Variants in CDC5L observed in about 807,000 individuals in gnomAD.
The protein encoded by CDC5L is cell division cycle 5-like protein.
CDC5L carries 18 observed loss-of-function variants against 104.1 expected under a neutral mutation model. The ratio of observed to expected loss-of-function variants is 0.17; its 90% CI spans 0.12 to 0.26. The LOEUF is 0.26. Ranked by LOEUF, CDC5L falls within the 10% of genes least tolerant of loss-of-function variation. The probability of loss-of-function intolerance (pLI) is 1.00; values close to 1 mark genes in which losing one functional copy is unlikely to be tolerated. For missense variants in CDC5L, 673 were observed against 956.9 expected (o/e 0.70, Z 3.91); for synonymous variants, 331 against 322.7 (o/e 1.03, Z -0.28).
chr6:44,422,452 T>C (rs754591412), intron 9 of CDC5L, among the ~76,000 whole-genome samples, 195 bp from the exon 10 acceptor site: 11 of 152,064 alleles, frequency 7.2e-5, no homozygotes, highest in Non-Finnish European at 1.5e-5. Context: ...GTCAGTAAAA[T>C]AAAAATACCA....
chr6:44,439,020 A>G (rs1381293387), intron 14 of CDC5L, among the ~76,000 whole-genome samples: 1 of 151,978 alleles, frequency 6.6e-6, no homozygotes, highest in Admixed American at 6.5e-5. Flanking sequence ...ATTCCCCCCA[A>G]CCTGCTCACC....
In CDC5L at chr6:44,401,332, G is replaced by A. The variant is rs573415631; in HGVS notation, c.540-2477G>A. 3.3e-5 allele frequency among the ~76,000 whole-genome samples: 5 copies of A among 152,116 alleles called. No individual in the cohort carries two copies. In the South Asian group the frequency reaches 8.3e-4, roughly 25 times the overall value. On this transcript the variant is annotated intron_variant, in intron 5 of 15. Coordinates refer to ENST00000371477, the MANE Select transcript of CDC5L (RefSeq NM_001253.4). ...CCCGTCCGTCCGCCCGCAGCGTGGAGCCCTCATCTCATAAGCCAGGGCAAA... is the reference window on the plus strand; with the variant it reads ...CCCGTCCGTCCGCCCGCAGCGTGGAACCCTCATCTCATAAGCCAGGGCAAA...
At chr6:44,422,841 ATTTTTTT>A in intron 10 of CDC5L, 32 bp downstream of exon 10, 1 of 1,497,646 alleles carries the variant, frequency 6.7e-7, no homozygotes, top group South Asian at 1.2e-5. Flanking sequence ...ATACTCTTAA[ATTTTTTT>A]TTAATATCTC....
chr6:44,396,524 G>GT (rs75189350), intron 5 of CDC5L, 84 bp downstream of exon 5: 90,218 of 572,630 alleles, frequency 0.16, 5 homozygotes, highest in South Asian at 0.22. Flanking sequence ...CAGATATGTG[G>GT]TTTTTTTTTT....
intron 7 of CDC5L, among the ~76,000 whole-genome samples, chr6:44,407,779 C>T (rs1006251477): frequency 2.6e-5 from 4 of 152,172 alleles, no homozygotes; most frequent in Non-Finnish European, 4.4e-5. Context: ...TGGGCATAAA[C>T]GAGTTTTGTC....
At chr6:44,439,037 A>T (rs1793063268) in intron 14 of CDC5L, among the ~76,000 whole-genome samples, 1 of 152,164 alleles carries the variant, frequency 6.6e-6, no homozygotes, top group African/African-American at 2.4e-5. Flanking sequence ...CACCCCTAGG[A>T]AACCATTAAT....
intron 2 of CDC5L, among the ~76,000 whole-genome samples, chr6:44,391,630 C>G (rs774658002): frequency 2.4e-4 from 36 of 152,134 alleles, no homozygotes; most frequent in Non-Finnish European, 4.4e-4. Flanking sequence ...GCACCATCCC[C>G]AAGTCATGTG....
intron 2 of CDC5L, among the ~76,000 whole-genome samples, chr6:44,392,072 C>A (rs1351491719): frequency 2.0e-5 from 3 of 152,144 alleles, no homozygotes; most frequent in Non-Finnish European, 4.4e-5. Flanking sequence ...GTACCAGTTC[C>A]TGCTGTCATA....
chr6:44,388,002 G>C (rs1465319619), intron 1 of CDC5L, 134 bp downstream of exon 1: 1 of 757,748 alleles, frequency 1.3e-6, no homozygotes, highest in Non-Finnish European at 2.1e-6. Context: ...GCTGACCCTT[G>C]GGGCCCTTTC....
intron 4 of CDC5L, 138 bp downstream of exon 4, chr6:44,393,711 C>T: frequency 2.3e-6 from 2 of 854,542 alleles, no homozygotes; most frequent in African/African-American, 1.8e-5. Flanking sequence ...GTTACCCAGG[C>T]TGGAATGAAG....
intron 5 of CDC5L, among the ~76,000 whole-genome samples, chr6:44,398,070 G>A (rs1790951536): frequency 1.3e-5 from 2 of 152,154 alleles, no homozygotes; most frequent in South Asian, 2.1e-4. Flanking sequence ...TGGCTTTGAA[G>A]TGCCAGATCC....
chr6:44,423,148 A>T (rs1581655191), intron 10 of CDC5L, among the ~76,000 whole-genome samples: 1 of 152,158 alleles, frequency 6.6e-6, no homozygotes, highest in Non-Finnish European at 1.5e-5. Flanking sequence ...GGGCCTTATT[A>T]TCTAATGCCA....
At position 44,393,436 on chromosome 6, in the gene CDC5L, T is replaced by A. The variant is rs769508595; in HGVS notation, c.312-10T>A. ...TGTAGTGTGACTAACTCCTATGGGC[T>A]TTTTTCTAGGGATAAAGCTGCCCAA... is the stretch of plus-strand genomic sequence containing the variant. On this transcript the variant is annotated splice_polypyrimidine_tract_variant and intron_variant, in intron 3 of 15. Transcript: ENST00000371477. The A allele has an allele frequency of 7.4e-6, 12 of 1,612,378 alleles. No homozygotes were observed. Among genetic ancestry groups the A allele is most frequent in the Non-Finnish European group, 1.0e-5 (12 of 1,179,018 alleles).
In CDC5L at chr6:44,396,133, G is replaced by C. The variant is rs372289570; in HGVS notation, c.440-208G>C. ...TAGGGAGGGTAAGTAAGTGACTAAG[G>C]TCACATAGCTAGCAAGTGGTGGGCC... On this transcript the variant is annotated intron_variant, in intron 4 of 15. Transcript: ENST00000371477. Among the ~76,000 whole-genome samples the C allele has an allele frequency of 4.8e-4, 73 of 152,290 alleles. No homozygotes were observed. The South Asian group carries it at 0.015, about 31-fold the overall frequency.
chr6:44,404,045 T>A lies in CDC5L; in HGVS notation c.758+18T>A, dbSNP rs1178662153. The A allele has an allele frequency of 3.8e-6, 6 of 1,587,694 alleles. No homozygotes were observed. The South Asian group carries it at 6.9e-5, about 18-fold the overall frequency. On this transcript the variant is annotated intron_variant, in intron 6 of 15. Coordinates refer to ENST00000371477, the MANE Select transcript of CDC5L (RefSeq NM_001253.4). The stretch of plus-strand genomic sequence containing the variant: ...CTAAGATCGTAAGTTGCCTTTCTGA[T>A]TTTGGAAATGGAAAGGAATAGTAGG...
At chr6:44,422,047 A>G (rs998893969) in intron 9 of CDC5L, among the ~76,000 whole-genome samples, 3 of 152,232 alleles carry the variant, frequency 2.0e-5, no homozygotes, top group Non-Finnish European at 4.4e-5. Flanking sequence ...AAGACTTTGA[A>G]TAATTAAAAT....
intron 14 of CDC5L, among the ~76,000 whole-genome samples, chr6:44,438,465 A>C (rs1793035888): frequency 6.6e-6 from 1 of 152,152 alleles, no homozygotes; most frequent in African/African-American, 2.4e-5. Flanking sequence ...GAGACCATTT[A>C]AATCAGAGTC....
chr6:44,428,444 T>C (rs1792527115), intron 13 of CDC5L, among the ~76,000 whole-genome samples: 1 of 152,180 alleles, frequency 6.6e-6, no homozygotes, highest in Non-Finnish European at 1.5e-5. Context: ...TCATAAGCCA[T>C]GAAGCAAAGG....
intron 8 of CDC5L, among the ~76,000 whole-genome samples, chr6:44,415,354 TA>T (rs1420813945): frequency 6.6e-6 from 1 of 152,222 alleles, no homozygotes; most frequent in Non-Finnish European, 1.5e-5. Flanking sequence ...ATTTCTCTTC[TA>T]AAAGATGTGG....
Sources: gnomAD v4.1 joint callset for allele counts (sites outside exome capture counted in the v4.1 genomes callset) on GRCh38, gnomAD v4.1.1 for gene constraint, MANE v1.5 for transcripts, NCBI Gene and HGNC (gene_info 2026-07-23, HGNC 2026-07-21) for gene names.